Variants in LARS1 observed in about 807,000 individuals in gnomAD.
LARS1 encodes leucyl-tRNA synthetase 1, also known as leucine--tRNA ligase, cytoplasmic.
A neutral mutation model predicts 162.8 loss-of-function variants in LARS1; 100 were observed. That is an observed-to-expected ratio of 0.61 (90% CI 0.52 to 0.73). The LOEUF (loss-of-function observed/expected upper bound fraction) is 0.73, where lower values mean the gene tolerates loss of function less well. Ranked by LOEUF, LARS1 falls within the 30% of genes least tolerant of loss-of-function variation. The probability of loss-of-function intolerance (pLI) is 0.00; values close to 1 mark genes in which losing one functional copy is unlikely to be tolerated. For missense variants in LARS1, 1,258 were observed against 1,408.9 expected, an observed-to-expected ratio of 0.89 and a Z score of 1.71; for synonymous variants, 457 against 462.8, an observed-to-expected ratio of 0.99 and a Z score of 0.16.
chr5:146,121,695 A>T (rs1036453322), intron 30 of LARS1, among the ~76,000 whole-genome samples: 2 of 152,214 alleles, frequency 1.3e-5, no homozygotes, highest in African/African-American at 4.8e-5. Flanking sequence ...ATAAAGCTGG[A>T]AACCATCATT....
At chr5:146,158,905 G>A (rs1753647982) in intron 8 of LARS1, among the ~76,000 whole-genome samples, 1 of 152,074 alleles carries the variant, frequency 6.6e-6, no homozygotes, top group Non-Finnish European at 1.5e-5. Flanking sequence ...GACCATCCTG[G>A]CTAACACGGT....
intron 30 of LARS1, 107 bp downstream of exon 30, chr5:146,122,385 C>G: frequency 1.6e-6 from 1 of 626,052 alleles, no homozygotes. Context: ...CTTAATTTCT[C>G]TGGACCTTAC....
intron 15 of LARS1, among the ~76,000 whole-genome samples, chr5:146,147,325 C>A (rs2126499573): frequency 6.6e-6 from 1 of 151,662 alleles, no homozygotes; most frequent in East Asian, 1.9e-4. Flanking sequence ...CCTAGCCACT[C>A]AAGAAGCTGA....
chr5:146,127,608 T>C (rs561480050), intron 27 of LARS1, among the ~76,000 whole-genome samples: 90 of 152,106 alleles, frequency 5.9e-4, no homozygotes, highest in Non-Finnish European at 1.2e-3. Flanking sequence ...TTCCTTGAAA[T>C]TGCTGGTATG....
intron 23 of LARS1, chr5:146,132,088 T>A (rs1288195158): frequency 6.6e-6 from 1 of 152,158 alleles, no homozygotes; most frequent in Non-Finnish European, 1.5e-5. Context: ...GGCAGGTGGA[T>A]CACAAGGTCA....
In LARS1 at chr5:146,149,623, G is replaced by A; in HGVS notation, c.1502C>T (p.Ala501Val). 6.2e-7 allele frequency: 1 copy of A among 1,607,900 alleles called. No homozygotes were observed. Residue 501 changes from alanine to valine, a missense_variant and splice_region_variant, in exon 15 of 32, where the codon GCT becomes GTT. Transcript: ENST00000394434. Reference protein sequence around the residue: ...KKTIQKKMIDAGDALIYMEPE... With the variant: ...KKTIQKKMIDVGDALIYMEPE... ...TTCAGAGCATAGCCTATCACATACA[G>A]CGTCAATCATCTTTTTCTGAATAGT...
At position 146,122,602 on chromosome 5, in the gene LARS1, A is replaced by C. The variant is rs1751876689; in HGVS notation, c.3097-15T>G. ...ATGTGTTCTAGCTAAACAGACGGGAAAAAATGGAAGTTATTAGTATCACTT... is the reference window on the plus strand; with the variant it reads ...ATGTGTTCTAGCTAAACAGACGGGACAAAATGGAAGTTATTAGTATCACTT... On this transcript the variant is annotated splice_polypyrimidine_tract_variant and intron_variant, in intron 29 of 31. Coordinates refer to ENST00000394434, the MANE Select transcript of LARS1 (RefSeq NM_020117.11). 1 of 1,502,204 alleles carries C rather than the reference A, an allele frequency of 6.7e-7. No homozygotes were observed. Among genetic ancestry groups the C allele is most frequent in the Non-Finnish European group, 9.2e-7 (1 of 1,084,758 alleles). The allele number at this position is 1,502,204 out of a possible 1,614,324, so 93.1% of individuals were successfully genotyped here.
chr5:146,182,344 A>G, intron 1 of LARS1, 144 bp downstream of exon 1: 1 of 1,051,104 alleles, frequency 9.5e-7, no homozygotes, highest in Non-Finnish European at 1.5e-6. Context: ...TAGCAAGAAA[A>G]AGCAAAGTCT....
intron 15 of LARS1, among the ~76,000 whole-genome samples, chr5:146,148,036 G>T (rs1175182511): frequency 1.3e-5 from 2 of 152,132 alleles, no homozygotes; most frequent in Admixed American, 6.6e-5. Flanking sequence ...GTTTTTAAGG[G>T]AAAATTATTT....
intron 31 of LARS1, among the ~76,000 whole-genome samples, chr5:146,115,460 G>A (rs1487681900): frequency 6.6e-6 from 1 of 151,808 alleles, no homozygotes; most frequent in Non-Finnish European, 1.5e-5. Context: ...CGGGGACAAG[G>A]CAGAGAAAGG....
In LARS1 at chr5:146,151,842, T is replaced by TA; in HGVS notation, c.1425+19dup. ...AGCATGGAGTAAAGCAAATAAAAACTAAAAAAAATTATTACTTACACCCTC... is the reference window on the plus strand; with the variant it reads ...AGCATGGAGTAAAGCAAATAAAAACTAAAAAAAAATTATTACTTACACCCTC... On this transcript the variant is annotated intron_variant, in intron 14 of 31. Coordinates refer to ENST00000394434, the MANE Select transcript of LARS1 (RefSeq NM_020117.11). The TA allele has an allele frequency of 7.5e-6, 12 of 1,598,548 alleles. No individual in the cohort carries two copies. Among genetic ancestry groups the TA allele is most frequent in the Middle Eastern group, 3.3e-4 (2 of 6,014 alleles).
At position 146,130,174 on chromosome 5, in the gene LARS1, T is replaced by G. The variant is rs1482621583; in HGVS notation, c.2488-16A>C. On this transcript the variant is annotated splice_polypyrimidine_tract_variant and intron_variant, in intron 24 of 31. Transcript: ENST00000394434. The stretch of plus-strand genomic sequence containing the variant: ...CTTTTGCGGCCTATAAAATTTGAAA[T>G]TATTTACCATTTCCCTCACCTTCTT... The G allele has an allele frequency of 4.3e-6, 7 of 1,609,650 alleles. No homozygotes were observed. The highest frequency in any genetic ancestry group is 5.9e-6 in the Non-Finnish European group (7 of 1,178,036).
intron 22 of LARS1, among the ~76,000 whole-genome samples, chr5:146,133,346 G>C (rs1432851903): frequency 1.3e-5 from 2 of 152,158 alleles, no homozygotes; most frequent in East Asian, 1.9e-4. Flanking sequence ...GAGTTAATGA[G>C]ATAAAGTGAT....
chr5:146,144,807 T>G (rs1752942735), intron 15 of LARS1, 98 bp from the exon 16 acceptor site: 2 of 1,024,344 alleles, frequency 2.0e-6, no homozygotes, highest in African/African-American at 3.2e-5. Context: ...ATACCACCAA[T>G]AACTGAAAGC....
Position 146,135,630 on chromosome 5 carries a change from G to C in LARS1, c.2183C>G (p.Thr728Ser). The C allele has an allele frequency of 6.2e-7, 1 of 1,603,224 alleles. No homozygotes were observed. Among genetic ancestry groups the C allele is most frequent in the Non-Finnish European group, 8.5e-7 (1 of 1,176,834 alleles). The change falls in exon 22 of 32, where the codon ACC becomes AGC. Residue 728 changes from threonine to serine, a missense_variant. Coordinates refer to ENST00000394434, the MANE Select transcript of LARS1 (RefSeq NM_020117.11). ...SKSTGNFLTL[T>S]QAIDKFSADG... Reference sequence around the variant, plus strand: ...TGCTGAAAATTTGTCAATAGCTTGGGTCAAAGTGAGGAAGTTGCCTGTGGA... The same window carrying C: ...TGCTGAAAATTTGTCAATAGCTTGGCTCAAAGTGAGGAAGTTGCCTGTGGA...
intron 6 of LARS1, among the ~76,000 whole-genome samples, chr5:146,164,076 AG>A (rs1277837320): frequency 2.0e-5 from 3 of 150,986 alleles, no homozygotes; most frequent in African/African-American, 7.4e-5. Flanking sequence ...CACTGAATAT[AG>A]ATCACCATAA....
Position 146,131,486 on chromosome 5 carries a change from G to GGTTTTTTTTTTTTTTTTTTTTTT in LARS1, c.2397-378_2397-377insAAAAAAAAAAAAAAAAAAAAAAC, listed in dbSNP as rs1561802916. The GGTTTTTTTTTTTTTTTTTTTTTT allele has an allele frequency of 1.7e-5, 2 of 119,458 alleles. 1 individual carries two copies. 7.4% of individuals were successfully genotyped at this position (119,458 alleles called of 1,614,324 possible). ...ATAGCCTAACTAAGGTTGTAGCCAA[G>GGTTTTTTTTTTTTTTTTTTTTTT]TTTTTTTTTTTTTTTTTTTTTTTTT... On this transcript the variant is annotated intron_variant, in intron 23 of 31. Transcript: ENST00000394434.
At chr5:146,146,753 G>A (rs535873863) in intron 15 of LARS1, among the ~76,000 whole-genome samples, 6 of 150,786 alleles carry the variant, frequency 4.0e-5, no homozygotes, top group South Asian at 2.1e-4. Context: ...GCGCTCTGTC[G>A]CCCAGACTGG....
In LARS1 at chr5:146,179,105, G is replaced by A. The variant is rs546482362; in HGVS notation, c.7-1440C>T. 2.3e-3 allele frequency among the ~76,000 whole-genome samples: 355 copies of A among 152,140 alleles called. 3 individuals carry two copies. Among genetic ancestry groups the A allele is most frequent in the African/African-American group, 7.9e-3 (327 of 41,514 alleles). On this transcript the variant is annotated intron_variant, in intron 1 of 31. Coordinates refer to ENST00000394434, the MANE Select transcript of LARS1 (RefSeq NM_020117.11). ...AAATTAGCCGGATGCGTTGGCATGC[G>A]CCTATAATCTCAGCTACTCGGGAGG...
Sources: allele counts gnomAD v4.1 joint callset (sites outside exome capture counted in the v4.1 genomes callset), GRCh38; gene constraint gnomAD v4.1.1; transcripts MANE v1.5; gene names NCBI Gene and HGNC (gene_info 2026-07-23, HGNC 2026-07-21).